Variants in CAMKMT observed in about 807,000 individuals in gnomAD.
CAMKMT encodes the protein calmodulin-lysine N-methyltransferase, also known as CaM KMT.
In CAMKMT, 53 loss-of-function variants were observed where a neutral mutation model predicts 48.0. The observed-to-expected ratio is 1.10, with a 90% confidence interval of 0.89 to 1.39. The LOEUF is 1.39. Among genes scored for constraint, CAMKMT ranks in the 40% most tolerant of loss-of-function variants. The probability of loss-of-function intolerance (pLI) is 0.00; values close to 1 mark genes in which losing one functional copy is unlikely to be tolerated. For synonymous variants in CAMKMT, 165 were observed against 152.3 expected, an observed-to-expected ratio of 1.08 and a Z score of -0.61; for missense variants, 428 against 402.7, an observed-to-expected ratio of 1.06 and a Z score of -0.54.
chr2:44,593,448 T>C (rs896204444), intron 3 of CAMKMT, among the ~76,000 whole-genome samples: 2 of 152,160 alleles, frequency 1.3e-5, no homozygotes, highest in Non-Finnish European at 2.9e-5. Flanking sequence ...TCCTTTGAAC[T>C]CTAGCCACAT....
At chr2:44,435,503 GGA>G (rs1205666498) in intron 3 of CAMKMT, among the ~76,000 whole-genome samples, 2 of 152,126 alleles carry the variant, frequency 1.3e-5, no homozygotes, top group African/African-American at 2.4e-5. Context: ...CAACTCAGTT[GGA>G]TGATGATTCA....
chr2:44,496,992 C>T (rs1669780818), intron 3 of CAMKMT, among the ~76,000 whole-genome samples: 1 of 152,068 alleles, frequency 6.6e-6, no homozygotes, highest in African/African-American at 2.4e-5. Context: ...TAGTCAAAGA[C>T]CTTGGACATT....
At position 44,677,529 on chromosome 2, in the gene CAMKMT, A is replaced by G. The variant is rs938543910; in HGVS notation, c.377-26754A>G. Among the ~76,000 whole-genome samples, 9 of 152,144 alleles carry G rather than the reference A, an allele frequency of 5.9e-5. No homozygotes were observed. The East Asian group carries it at 1.7e-3, about 29-fold the overall frequency. On this transcript the variant is annotated intron_variant, in intron 3 of 10. Coordinates refer to ENST00000378494, the MANE Select transcript of CAMKMT (RefSeq NM_024766.5). The stretch of plus-strand genomic sequence containing the variant: ...GAGATAGGAATTCCATGTATATGGC[A>G]AAACCCTATCTCTACTAAAAATACA...
At chr2:44,651,947 A>G (rs1674094840) in intron 3 of CAMKMT, among the ~76,000 whole-genome samples, 1 of 152,338 alleles carries the variant, frequency 6.6e-6, no homozygotes, top group Middle Eastern at 3.4e-3. Flanking sequence ...AGTCTGTACT[A>G]TAGTGGGATT....
intron 3 of CAMKMT, among the ~76,000 whole-genome samples, chr2:44,678,515 G>A (rs1404871893): frequency 6.6e-6 from 1 of 152,174 alleles, no homozygotes; most frequent in Non-Finnish European, 1.5e-5. Flanking sequence ...AAACACTTGG[G>A]CTGAATTCAT....
At chr2:44,585,595 G>A (rs1669813240) in intron 3 of CAMKMT, among the ~76,000 whole-genome samples, 1 of 152,108 alleles carries the variant, frequency 6.6e-6, no homozygotes, top group Non-Finnish European at 1.5e-5. Context: ...CTCATATGTT[G>A]GCAAAGGAAA....
intron 3 of CAMKMT, among the ~76,000 whole-genome samples, chr2:44,595,268 G>T (rs1476137980): frequency 6.6e-6 from 1 of 152,134 alleles, no homozygotes; most frequent in African/African-American, 2.4e-5. Context: ...TCTGGTACTA[G>T]AAATACCATT....
intron 1 of CAMKMT, among the ~76,000 whole-genome samples, chr2:44,367,020 C>G (rs561929577): frequency 6.6e-6 from 1 of 152,136 alleles, no homozygotes; most frequent in Non-Finnish European, 1.5e-5. Flanking sequence ...CCACCATGCC[C>G]GGCCTGTTGC....
At chr2:44,747,449 A>T (rs191210154) in intron 8 of CAMKMT, among the ~76,000 whole-genome samples, 4 of 152,158 alleles carry the variant, frequency 2.6e-5, no homozygotes, top group African/African-American at 9.7e-5. Context: ...ACCTGAGAAG[A>T]CTCAGTCCCA....
intron 3 of CAMKMT, among the ~76,000 whole-genome samples, chr2:44,687,118 T>C (rs542410178): frequency 6.5e-4 from 99 of 152,356 alleles, no homozygotes; most frequent in African/African-American, 2.3e-3. Context: ...TAAACATAAT[T>C]CAATTTTTTT....
chr2:44,662,263 A>G (rs1271381524), intron 3 of CAMKMT, among the ~76,000 whole-genome samples: 1 of 152,056 alleles, frequency 6.6e-6, no homozygotes, highest in Non-Finnish European at 1.5e-5. Context: ...TCCAGTTTTC[A>G]TTGTCCGTCT....
chr2:44,638,193 T>G (rs1558762796), intron 3 of CAMKMT, among the ~76,000 whole-genome samples: 1 of 152,346 alleles, frequency 6.6e-6, no homozygotes, highest in East Asian at 1.9e-4. Context: ...TTTCATCTTC[T>G]GGAAGGGAGA....
In CAMKMT at chr2:44,634,814, C is replaced by CAAAAAAAAAAA. The variant is rs1553429753; in HGVS notation, c.377-69468_377-69467insAAAAAAAAAAA. On this transcript the variant is annotated intron_variant, in intron 3 of 10. Transcript: ENST00000378494. ...TGAGGGCTAGCCAAAAAAAAAAAAG[C>CAAAAAAAAAAA]ATTCTAGTCAGACAGAGCAATAAAT... 1.2e-4 allele frequency among the ~76,000 whole-genome samples: 7 copies of CAAAAAAAAAAA among 60,652 alleles called. 1 individual carries two copies. Among genetic ancestry groups the CAAAAAAAAAAA allele is most frequent in the Admixed American group, 1.8e-4 (1 of 5,506 alleles). The allele number at this position is 60,652 out of a possible 152,430, so 39.8% of individuals were successfully genotyped here. A position where few individuals can be genotyped will look rare whatever the true frequency, so the allele number is the denominator to read the frequency against.
At chr2:44,755,754 G>A (rs777893699) in intron 9 of CAMKMT, among the ~76,000 whole-genome samples, 39 of 152,114 alleles carry the variant, frequency 2.6e-4, no homozygotes, top group Non-Finnish European at 5.3e-4. Flanking sequence ...CATCTGAATC[G>A]TGGCCACACG....
intron 3 of CAMKMT, among the ~76,000 whole-genome samples, chr2:44,527,792 C>A (rs1468762865): frequency 7.4e-6 from 1 of 134,534 alleles, no homozygotes; most frequent in Non-Finnish European, 1.6e-5. Flanking sequence ...ACAGCCCCCC[C>A]CCCCATTATC....
At chr2:44,705,298 G>C (rs1677491124) in intron 4 of CAMKMT, 2 of 955,024 alleles carry the variant, frequency 2.1e-6, no homozygotes, top group Non-Finnish European at 1.2e-6. Context: ...TTTTAATTTT[G>C]CTTTTTTTCT....
intron 3 of CAMKMT, among the ~76,000 whole-genome samples, chr2:44,677,717 A>T (rs973725289): frequency 6.6e-6 from 1 of 152,110 alleles, no homozygotes; most frequent in Non-Finnish European, 1.5e-5. Context: ...TAAAAAAAAA[A>T]AAAGCGTATT....
intron 3 of CAMKMT, among the ~76,000 whole-genome samples, chr2:44,450,949 AC>A (rs1347655908): frequency 6.6e-6 from 1 of 152,056 alleles, no homozygotes; most frequent in African/African-American, 2.4e-5. Flanking sequence ...GTGCTCTCTG[AC>A]TTGTTGAAGT....
intron 3 of CAMKMT, among the ~76,000 whole-genome samples, chr2:44,686,169 G>A (rs936398695): frequency 2.6e-5 from 4 of 151,950 alleles, no homozygotes; most frequent in East Asian, 3.9e-4. Context: ...TGAGGTGGGC[G>A]GATCATGAGG....
Sources: allele counts gnomAD v4.1 joint callset (sites outside exome capture counted in the v4.1 genomes callset), GRCh38; gene constraint gnomAD v4.1.1; transcripts MANE v1.5; gene names NCBI Gene and HGNC (gene_info 2026-07-23, HGNC 2026-07-21).